The following EIPR1 variants were observed in gnomAD, a reference collection of about 807,000 sequenced individuals.
The protein encoded by EIPR1 is EARP complex and GARP complex interacting protein 1.
In EIPR1, 25 loss-of-function variants were observed where a neutral mutation model predicts 48.1. The ratio of observed to expected loss-of-function variants is 0.52; its 90% CI spans 0.38 to 0.73. The LOEUF is 0.73. Ranked by LOEUF, EIPR1 falls within the 30% of genes least tolerant of loss-of-function variation. The pLI, the probability that EIPR1 is intolerant of heterozygous loss-of-function variation, is 0.00. For missense variants in EIPR1, 415 were observed against 506.2 expected (o/e 0.82, Z 1.73); for synonymous variants, 204 against 201.9 (o/e 1.01, Z -0.09).
chr2:3,347,255 A>C (rs1223800213), intron 2 of EIPR1, among the ~76,000 whole-genome samples: 1 of 152,134 alleles, frequency 6.6e-6, no homozygotes, highest in Non-Finnish European at 1.5e-5. Context: ...GGCCTAATAC[A>C]CCAACAGACC....
At chr2:3,290,804 C>T (rs1433673588) in intron 3 of EIPR1, among the ~76,000 whole-genome samples, 2 of 152,172 alleles carry the variant, frequency 1.3e-5, no homozygotes, top group Non-Finnish European at 2.9e-5. Flanking sequence ...GGGTCTTTCG[C>T]GAATCAACCA....
chr2:3,214,968 T>C (rs1009263672), intron 4 of EIPR1, among the ~76,000 whole-genome samples: 1 of 152,012 alleles, frequency 6.6e-6, no homozygotes, highest in Non-Finnish European at 1.5e-5. Flanking sequence ...TCTCTCTCCA[T>C]CACGTGAGGA....
At chr2:3,354,684 G>C in intron 1 of EIPR1, 51 bp from the exon 2 acceptor site, 3 of 1,469,550 alleles carry the variant, frequency 2.0e-6, no homozygotes, top group Non-Finnish European at 2.9e-6. Context: ...AGATTTAATA[G>C]AGATTATGAA....
At chr2:3,293,227 C>G (rs1460452337) in intron 3 of EIPR1, among the ~76,000 whole-genome samples, 1 of 152,212 alleles carries the variant, frequency 6.6e-6, no homozygotes, top group Non-Finnish European at 1.5e-5. Context: ...TCCCCTTGAG[C>G]CGGCCTGCAG....
At chr2:3,233,018 C>A (rs965069551) in intron 4 of EIPR1, among the ~76,000 whole-genome samples, 4 of 152,130 alleles carry the variant, frequency 2.6e-5, no homozygotes, top group Non-Finnish European at 5.9e-5. Context: ...CATATATGCC[C>A]ATTAAAAAGT....
At chr2:3,349,596 G>C (rs1670506662) in intron 2 of EIPR1, among the ~76,000 whole-genome samples, 1 of 152,154 alleles carries the variant, frequency 6.6e-6, no homozygotes, top group Non-Finnish European at 1.5e-5. Flanking sequence ...CATGCCAGGA[G>C]ACGGGGACAG....
chr2:3,326,350 G>A (rs1297408731), intron 3 of EIPR1, among the ~76,000 whole-genome samples: 3 of 152,138 alleles, frequency 2.0e-5, no homozygotes, highest in Non-Finnish European at 4.4e-5. Flanking sequence ...GCAGCAGAGG[G>A]AAAAGCAGAG....
intron 5 of EIPR1, among the ~76,000 whole-genome samples, chr2:3,199,260 A>G (rs994209833): frequency 6.6e-6 from 1 of 152,120 alleles, no homozygotes. Flanking sequence ...CCTGTTCTTA[A>G]GGTGCCCAGA....
At chr2:3,338,591 A>G (rs7599308) in intron 2 of EIPR1, among the ~76,000 whole-genome samples, 37,491 of 152,046 alleles carry the variant, frequency 0.25, 4,835 homozygotes, top group Non-Finnish European at 0.27. Context: ...GGGACTGACC[A>G]CGCCTGGCCC....
At chr2:3,370,432 A>C (rs1269417009) in intron 1 of EIPR1, among the ~76,000 whole-genome samples, 1 of 152,218 alleles carries the variant, frequency 6.6e-6, no homozygotes, top group East Asian at 1.9e-4. Flanking sequence ...AGACGATCAA[A>C]CTACTCCGAG....
rs1362679606 is a variant in EIPR1 at position 3,285,752 on chromosome 2, C to T, written c.260-28297G>A. On this transcript the variant is annotated intron_variant, in intron 3 of 8. Coordinates refer to ENST00000382125, the MANE Select transcript of EIPR1 (RefSeq NM_003310.5). ...TCACCGACTGTCTCCGGGACCCTCG[C>T]ACGGAGCAGAAGTCACCGACTGTCT... is the stretch of plus-strand genomic sequence containing the variant. Among the ~76,000 whole-genome samples, 6 of 31,206 alleles carry T rather than the reference C, an allele frequency of 1.9e-4. 2 individuals carry two copies. The highest frequency in any genetic ancestry group is 2.6e-4 in the Non-Finnish European group (4 of 15,274). The allele number at this position is 31,206 out of a possible 152,430, so 20.5% of individuals were successfully genotyped here.
intron 3 of EIPR1, among the ~76,000 whole-genome samples, chr2:3,268,004 C>T (rs572055789): frequency 5.9e-5 from 9 of 152,218 alleles, no homozygotes; most frequent in East Asian, 1.9e-4. Context: ...CGTTCTCAGC[C>T]GAAAGCCCTG....
intron 3 of EIPR1, among the ~76,000 whole-genome samples, chr2:3,329,330 C>T (rs1669813928): frequency 6.6e-6 from 1 of 152,120 alleles, no homozygotes; most frequent in Non-Finnish European, 1.5e-5. Flanking sequence ...TCAGAGCCCA[C>T]CCACCACGCT....
intron 3 of EIPR1, chr2:3,282,937 T>A (rs1003987279): frequency 1.3e-5 from 2 of 152,250 alleles, no homozygotes; most frequent in African/African-American, 4.8e-5. Flanking sequence ...GCTCTTACTA[T>A]TTTTAGACAA....
chr2:3,283,639 A>C (rs935887867), intron 3 of EIPR1, among the ~76,000 whole-genome samples: 1 of 152,214 alleles, frequency 6.6e-6, no homozygotes, highest in African/African-American at 2.4e-5. Flanking sequence ...CTAGTTAAAG[A>C]GGGGAAGAAA....
intron 4 of EIPR1, among the ~76,000 whole-genome samples, chr2:3,253,512 C>T (rs1218726565): frequency 1.3e-5 from 2 of 152,178 alleles, no homozygotes; most frequent in Admixed American, 6.5e-5. Context: ...ACGTCATCGC[C>T]GTTTCAGGGA....
In EIPR1 at chr2:3,326,334, C is replaced by T. The variant is rs1309371104; in HGVS notation, c.259+11683G>A. Reference sequence around the variant, plus strand: ...CTTGACTGGTCCGGGATTGGAGAGCCGGTAAGCAGCAGAGGGAAAAGCAGA... The same window carrying T: ...CTTGACTGGTCCGGGATTGGAGAGCTGGTAAGCAGCAGAGGGAAAAGCAGA... On this transcript the variant is annotated intron_variant, in intron 3 of 8. Transcript: ENST00000382125. Among the ~76,000 whole-genome samples, 6 of 152,220 alleles carry T rather than the reference C, an allele frequency of 3.9e-5. No individual in the cohort carries two copies. The South Asian group carries it at 6.2e-4, about 16-fold the overall frequency.
At chr2:3,295,572 C>CAG (rs1668543827) in intron 3 of EIPR1, among the ~76,000 whole-genome samples, 1 of 134,096 alleles carries the variant, frequency 7.5e-6, no homozygotes, top group Non-Finnish European at 1.6e-5. Context: ...TCTCCACACA[C>CAG]ACACCCTCCA....
chr2:3,314,783 A>C (rs1205032672), intron 3 of EIPR1, among the ~76,000 whole-genome samples: 1 of 151,790 alleles, frequency 6.6e-6, no homozygotes, highest in Non-Finnish European at 1.5e-5. Context: ...GCCTCTCCCC[A>C]GGACCTGCCT....
Sources: allele counts gnomAD v4.1 joint callset (sites outside exome capture counted in the v4.1 genomes callset), GRCh38; gene constraint gnomAD v4.1.1; transcripts MANE v1.5; gene names NCBI Gene and HGNC (gene_info 2026-07-23, HGNC 2026-07-21).